Variants in SLMAP observed in about 807,000 individuals in gnomAD.
SLMAP encodes sarcolemmal membrane-associated protein.
A neutral mutation model predicts 128.8 loss-of-function variants in SLMAP; 44 were observed. The observed-to-expected ratio is 0.34, with a 90% CI of 0.27 to 0.44. SLMAP has a LOEUF of 0.44. Among genes scored for constraint, SLMAP ranks in the 20% least tolerant of loss-of-function variants. SLMAP has a pLI of 1.00. For missense variants in SLMAP, 787 were observed against 985.3 expected (o/e 0.80, Z 2.69); for synonymous variants, 327 against 348.8 (o/e 0.94, Z 0.70).
At chr3:57,772,463 A>C (rs532978542) in intron 2 of SLMAP, among the ~76,000 whole-genome samples, 1 of 152,326 alleles carries the variant, frequency 6.6e-6, no homozygotes, top group East Asian at 1.9e-4. Context: ...ATCGTGCCAC[A>C]GAAGTGGCGT....
At chr3:57,833,120 A>G (rs1047228675) in intron 3 of SLMAP, among the ~76,000 whole-genome samples, 1 of 152,230 alleles carries the variant, frequency 6.6e-6, no homozygotes, top group African/African-American at 2.4e-5. Flanking sequence ...CTTGGCTTGC[A>G]TTTCCTAAAG....
rs141033845 is a variant in SLMAP at position 57,913,192 on chromosome 3, A to G, written c.2055A>G (p.Ala685=). The change falls in exon 21 of 25, where the codon GCA becomes GCG. Residue 685 remains alanine, a synonymous_variant. Coordinates refer to ENST00000671191, the MANE Select transcript of SLMAP (RefSeq NM_001377540.1). ...AGAAGTTGAGAAAGGAATGGAATGCATTGGAAACCGAATGCCATTCTCTAA... is the reference window on the plus strand; with the variant it reads ...AGAAGTTGAGAAAGGAATGGAATGCGTTGGAAACCGAATGCCATTCTCTAA... The part of the protein sequence containing the change: ...ELEKLRKEWN[A]LETECHSLKR... The G allele has an allele frequency of 6.0e-5, 95 of 1,595,038 alleles. No individual in the cohort carries two copies. In the African/African-American group the frequency reaches 1.1e-3, roughly 18 times the overall value.
At chr3:57,865,706 G>C (rs2095281128) in intron 13 of SLMAP, among the ~76,000 whole-genome samples, 1 of 152,080 alleles carries the variant, frequency 6.6e-6, no homozygotes, top group Non-Finnish European at 1.5e-5. Flanking sequence ...AAACTACTTT[G>C]TTTATCCATC....
intron 2 of SLMAP, among the ~76,000 whole-genome samples, chr3:57,805,871 A>G (rs934729912): frequency 6.6e-6 from 1 of 151,938 alleles, no homozygotes; most frequent in Non-Finnish European, 1.5e-5. Flanking sequence ...GTTTTTCATG[A>G]TGTTTCAAGT....
chr3:57,784,016 G>A (rs2083572248), intron 2 of SLMAP, among the ~76,000 whole-genome samples: 1 of 152,086 alleles, frequency 6.6e-6, no homozygotes, highest in Admixed American at 6.6e-5. Context: ...TGATAATTCT[G>A]TCACCAAATT....
chr3:57,872,939 T>C (rs1265453626), intron 14 of SLMAP, among the ~76,000 whole-genome samples: 1 of 152,166 alleles, frequency 6.6e-6, no homozygotes, highest in Non-Finnish European at 1.5e-5. Flanking sequence ...TTTGTGGATA[T>C]TCATGCATAT....
At chr3:57,808,847 G>A (rs1419830531) in intron 2 of SLMAP, among the ~76,000 whole-genome samples, 1 of 152,218 alleles carries the variant, frequency 6.6e-6, no homozygotes, top group Non-Finnish European at 1.5e-5. Context: ...AATATTGACA[G>A]TAGGGTGTTA....
intron 3 of SLMAP, among the ~76,000 whole-genome samples, chr3:57,834,381 AAAATAT>A (rs1257982937): frequency 6.6e-6 from 1 of 152,174 alleles, no homozygotes; most frequent in Admixed American, 6.5e-5. Context: ...AATACTAGCG[AAAATAT>A]ACAAGATGAG....
intron 23 of SLMAP, among the ~76,000 whole-genome samples, chr3:57,924,428 G>T (rs892300762): frequency 2.6e-5 from 4 of 151,768 alleles, no homozygotes; most frequent in African/African-American, 9.7e-5. Context: ...GAGTGCAGTG[G>T]CATGATCTCA....
intron 6 of SLMAP, among the ~76,000 whole-genome samples, chr3:57,851,629 C>T (rs2094505883): frequency 6.6e-6 from 1 of 151,864 alleles, no homozygotes; most frequent in Admixed American, 6.6e-5. Flanking sequence ...TGTGCCACCA[C>T]ACCTGGCTAA....
intron 17 of SLMAP, chr3:57,901,316 T>A (rs1042433006): frequency 4.6e-5 from 7 of 151,982 alleles, no homozygotes; most frequent in African/African-American, 1.7e-4. Flanking sequence ...ACACAGAGAG[T>A]TATAGATGAT....
intron 4 of SLMAP, among the ~76,000 whole-genome samples, chr3:57,843,750 TTCTC>T (rs1315163848): frequency 2.0e-5 from 3 of 149,208 alleles, no homozygotes; most frequent in African/African-American, 2.5e-5. Flanking sequence ...TTCTCTCCCT[TTCTC>T]TCTCTTTCTT....
intron 2 of SLMAP, among the ~76,000 whole-genome samples, chr3:57,803,153 A>C (rs1354867530): frequency 6.6e-6 from 1 of 152,208 alleles, no homozygotes; most frequent in Non-Finnish European, 1.5e-5. Flanking sequence ...ATAAACATTG[A>C]AAACTTTGAT....
intron 13 of SLMAP, among the ~76,000 whole-genome samples, chr3:57,869,204 G>A (rs2095408175): frequency 6.6e-6 from 1 of 150,744 alleles, no homozygotes; most frequent in Non-Finnish European, 1.5e-5. Flanking sequence ...GAAGCATCCA[G>A]CACAGGAGAA....
chr3:57,823,563 CG>C (rs1553845202), intron 2 of SLMAP, among the ~76,000 whole-genome samples: 3 of 150,792 alleles, frequency 2.0e-5, no homozygotes, highest in South Asian at 2.1e-4. Flanking sequence ...CATTTTTTAT[CG>C]CTGCATAGTA....
intron 2 of SLMAP, among the ~76,000 whole-genome samples, chr3:57,766,750 C>CT (rs781021772): frequency 2.0e-5 from 3 of 151,896 alleles, no homozygotes; most frequent in Non-Finnish European, 4.4e-5. Context: ...GAACAAGTGC[C>CT]TTTTTTTGCT....
intron 6 of SLMAP, among the ~76,000 whole-genome samples, chr3:57,850,571 G>A (rs1027631150): frequency 4.0e-5 from 6 of 151,724 alleles, no homozygotes; most frequent in African/African-American, 1.2e-4. Flanking sequence ...GGTGTGAGCC[G>A]CCATGCCGAG....
intron 22 of SLMAP, among the ~76,000 whole-genome samples, chr3:57,920,229 G>A (rs553517056): frequency 6.6e-6 from 1 of 152,364 alleles, no homozygotes; most frequent in South Asian, 2.1e-4. Flanking sequence ...GAAGTCCACA[G>A]ATCTTCACAT....
chr3:57,804,245 T>C (rs2089292020), intron 2 of SLMAP, among the ~76,000 whole-genome samples: 1 of 152,234 alleles, frequency 6.6e-6, no homozygotes, highest in African/African-American at 2.4e-5. Flanking sequence ...ATTATTTTTG[T>C]CTAATTACTA....
Sources: gnomAD v4.1 joint callset for allele counts (sites outside exome capture counted in the v4.1 genomes callset) on GRCh38, gnomAD v4.1.1 for gene constraint, MANE v1.5 for transcripts, NCBI Gene and HGNC (gene_info 2026-07-23, HGNC 2026-07-21) for gene names.